KCNU1: variants seen among roughly 807,000 people sequenced by gnomAD.
KCNU1 encodes potassium calcium-activated channel subfamily U member 1.
A neutral mutation model predicts 126.8 loss-of-function variants in KCNU1; 93 were observed. The ratio of observed to expected loss-of-function variants is 0.73; its 90% confidence interval spans 0.62 to 0.87. The LOEUF is 0.87. Among genes scored for constraint, KCNU1 ranks in the 40% least tolerant of loss-of-function variants. The pLI, the probability that KCNU1 is intolerant of heterozygous loss-of-function variation, is 0.00. For synonymous variants in KCNU1, 523 were observed against 494.2 expected (o/e 1.06, Z -0.77); for missense variants, 1,330 against 1,367.1 (o/e 0.97, Z 0.43).
At chr8:36,911,820 A>G (rs920095824) in intron 22 of KCNU1, among the ~76,000 whole-genome samples, 3 of 152,170 alleles carry the variant, frequency 2.0e-5, no homozygotes, top group African/African-American at 7.2e-5. Context: ...GTGACACCTG[A>G]GGAGCTTCCA....
At chr8:36,902,964 T>C (rs928349816) in intron 19 of KCNU1, among the ~76,000 whole-genome samples, 12 of 152,168 alleles carry the variant, frequency 7.9e-5, no homozygotes, top group Non-Finnish European at 1.8e-4. Context: ...TTACATTGTC[T>C]AGCTAGGCAA....
intron 9 of KCNU1, among the ~76,000 whole-genome samples, chr8:36,816,965 C>T (rs368359910): frequency 6.8e-6 from 1 of 147,254 alleles, no homozygotes; most frequent in Non-Finnish European, 1.5e-5. Flanking sequence ...ACAACAACAA[C>T]AAAAAACCCT....
intron 23 of KCNU1, among the ~76,000 whole-genome samples, chr8:36,921,843 G>A (rs1013300046): frequency 6.6e-6 from 1 of 151,954 alleles, no homozygotes; most frequent in African/African-American, 2.4e-5. Context: ...GCCTCAGTTA[G>A]GATGATTCCC....
rs761967773 is a variant in KCNU1 at position 36,931,044 on chromosome 8, G to A, written c.2830G>A (p.Val944Ile). ...GGAACAACATTTAGATAAGGATAAAGTCTATGGTGTGGCAGATAGCTGCAC... is the reference window on the plus strand; with the variant it reads ...GGAACAACATTTAGATAAGGATAAAATCTATGGTGTGGCAGATAGCTGCAC... ...QLEQHLDKDK[V>I]YGVADSCTSL... The change falls in exon 25 of 27, where the codon GTC (valine) becomes ATC (isoleucine). Residue 944 changes from valine (V) to isoleucine (I), a missense_variant. Physicochemically the swap from Val to Ile is conservative, Grantham distance 29. This residue lies in a region of KCNU1 where 1,054 missense variants were observed against 1,053.9 expected (regional missense o/e 1.00). Transcript: ENST00000399881. 6.2e-7 allele frequency: 1 copy of A among 1,611,872 alleles called. No homozygotes were observed. Among genetic ancestry groups the A allele is most frequent in the Non-Finnish European group, 8.5e-7 (1 of 1,178,856 alleles).
intron 2 of KCNU1, among the ~76,000 whole-genome samples, chr8:36,803,821 T>C (rs762323470): frequency 2.0e-5 from 3 of 152,140 alleles, no homozygotes; most frequent in Non-Finnish European, 2.9e-5. Flanking sequence ...TACATATTCA[T>C]TTTTTTAATA....
At chr8:36,871,054 T>C (rs1806084480) in intron 19 of KCNU1, among the ~76,000 whole-genome samples, 1 of 152,116 alleles carries the variant, frequency 6.6e-6, no homozygotes, top group Non-Finnish European at 1.5e-5. Flanking sequence ...GCAATGAAGT[T>C]TAATAAATAT....
chr8:36,900,711 A>T (rs1807382991), intron 19 of KCNU1, among the ~76,000 whole-genome samples: 1 of 152,112 alleles, frequency 6.6e-6, no homozygotes, highest in Non-Finnish European at 1.5e-5. Context: ...GATATACAAA[A>T]ATCTCAGAAC....
At chr8:36,873,188 CTGTCTCATT>C (rs943829925) in intron 19 of KCNU1, among the ~76,000 whole-genome samples, 7 of 152,154 alleles carry the variant, frequency 4.6e-5, no homozygotes, top group South Asian at 2.1e-4. Flanking sequence ...GAGGTAGACC[CTGTCTCATT>C]CTCCCCAGGA....
At chr8:36,794,844 G>C (rs1803033512) in intron 2 of KCNU1, among the ~76,000 whole-genome samples, 1 of 152,092 alleles carries the variant, frequency 6.6e-6, no homozygotes, top group African/African-American at 2.4e-5. Flanking sequence ...TGGGAGGATT[G>C]CCTGAGCCCA....
intron 6 of KCNU1, among the ~76,000 whole-genome samples, chr8:36,807,876 A>G (rs1463464218): frequency 6.6e-6 from 1 of 152,168 alleles, no homozygotes; most frequent in Non-Finnish European, 1.5e-5. Flanking sequence ...AGCATACATT[A>G]CCCAGCAGCA....
Position 36,814,312 on chromosome 8 carries a change from G to A in KCNU1, c.838G>A (p.Gly280Arg). Residue 280 changes from glycine (G) to arginine (R), a missense_variant, in exon 8 of 27, where the codon GGA (glycine) becomes AGA (arginine). Coordinates refer to ENST00000399881, the MANE Select transcript of KCNU1 (RefSeq NM_001031836.3). Reference sequence around the variant, plus strand: ...GGCAACAACGTCAACCGTTGGATTTGGAGATGTGGTAGCCAAGACATCCTT... The same window carrying A: ...GGCAACAACGTCAACCGTTGGATTTAGAGATGTGGTAGCCAAGACATCCTT... The part of the protein sequence containing the change: ...VMATTSTVGF[G>R]DVVAKTSLGR... 1 of 1,613,056 alleles carries A rather than the reference G, an allele frequency of 6.2e-7. No homozygotes were observed.
chr8:36,929,371 G>T (rs1808628040), intron 24 of KCNU1, among the ~76,000 whole-genome samples: 2 of 124,328 alleles, frequency 1.6e-5, no homozygotes, highest in Non-Finnish European at 3.2e-5. Context: ...ACAACAAACA[G>T]AGTGAGACCC....
intron 19 of KCNU1, among the ~76,000 whole-genome samples, chr8:36,904,711 T>C (rs1335370395): frequency 6.6e-6 from 1 of 152,126 alleles, no homozygotes; most frequent in African/African-American, 2.4e-5. Flanking sequence ...CTAGGCTTGG[T>C]TCTCCAGTTC....
At chr8:36,825,986 A>G (rs1353960237) in intron 10 of KCNU1, among the ~76,000 whole-genome samples, 1 of 151,908 alleles carries the variant, frequency 6.6e-6, no homozygotes, top group African/African-American at 2.4e-5. Context: ...TTTTCCTATG[A>G]TGTGTATAGG....
chr8:36,805,997 C>G (rs116137025), intron 4 of KCNU1, among the ~76,000 whole-genome samples: 1 of 152,124 alleles, frequency 6.6e-6, no homozygotes. Flanking sequence ...GCAGCTGCAA[C>G]CACGTGCAGC....
At chr8:36,793,048 T>C (rs2073145294) in intron 2 of KCNU1, among the ~76,000 whole-genome samples, 1 of 152,202 alleles carries the variant, frequency 6.6e-6, no homozygotes, top group Non-Finnish European at 1.5e-5. Context: ...GTTCATGTAC[T>C]TTGTAGGGAC....
intron 24 of KCNU1, among the ~76,000 whole-genome samples, chr8:36,930,184 G>T (rs1205781672): frequency 6.6e-6 from 1 of 152,022 alleles, no homozygotes; most frequent in African/African-American, 2.4e-5. Flanking sequence ...AACCTAGTGG[G>T]TAATATATTC....
rs1046556107 is a variant in KCNU1 at position 36,896,150 on chromosome 8, T to A, written c.2010-9558T>A. Reference sequence around the variant, plus strand: ...AGACCTATAATTTAAGAAATTTAAATTACTAAACTATTATATTTTAAATAT... The same window carrying A: ...AGACCTATAATTTAAGAAATTTAAAATACTAAACTATTATATTTTAAATAT... On this transcript the variant is annotated intron_variant, in intron 19 of 26. Coordinates refer to ENST00000399881, the MANE Select transcript of KCNU1 (RefSeq NM_001031836.3). Among the ~76,000 whole-genome samples the A allele has an allele frequency of 2.0e-4, 31 of 152,088 alleles. 1 individual carries two copies. Among genetic ancestry groups the A allele is most frequent in the African/African-American group, 7.5e-4 (31 of 41,562 alleles).
intron 20 of KCNU1, among the ~76,000 whole-genome samples, chr8:36,906,236 C>A: frequency 7.0e-6 from 1 of 142,888 alleles, no homozygotes; most frequent in Middle Eastern, 3.8e-3. Context: ...TTTTGAAATT[C>A]GGATTTTTCT....
Sources: gnomAD v4.1 joint callset for allele counts (sites outside exome capture counted in the v4.1 genomes callset) on GRCh38, gnomAD v4.1.1 for gene constraint, gnomAD v4.1.1 regional missense constraint, MANE v1.5 for transcripts, NCBI Gene and HGNC (gene_info 2026-07-23, HGNC 2026-07-21) for gene names.